Variants in LAD1 observed in about 807,000 individuals in gnomAD.
LAD1 encodes ladinin-1.
Under a neutral mutation model 54.2 loss-of-function variants are expected in LAD1, and 53 were observed. The observed-to-expected ratio is 0.98, with a 90% CI of 0.78 to 1.23. LAD1 has a LOEUF of 1.23. LAD1 is among the 50% of genes most tolerant of loss of function. The pLI is 0.00. For synonymous variants in LAD1, 231 were observed against 257.7 expected, an observed-to-expected ratio of 0.90 and a Z score of 0.99; for missense variants, 637 against 653.3, an observed-to-expected ratio of 0.98 and a Z score of 0.27.
At chr1:201,382,903 G>A in intron 7 of LAD1, 164 bp from the exon 8 acceptor site, 1 of 1,001,100 alleles carries the variant, frequency 1.0e-6, no homozygotes, top group South Asian at 1.5e-5. Flanking sequence ...GGAGCTGTGT[G>A]CCCAGCTAAG....
rs957240968 is a variant in LAD1, at chr1:201,381,567, A to G, written c.*321T>C. The G allele has an allele frequency of 9.1e-6, 4 of 441,456 alleles. No individual in the cohort carries two copies. The highest frequency in any genetic ancestry group is 4.1e-5 in the African/African-American group (2 of 49,064). The allele number at this position is 441,456 out of a possible 1,614,324, so 27.3% of individuals were successfully genotyped here. A position where few individuals can be genotyped will look rare whatever the true frequency, so the allele number is the denominator to read the frequency against. Reference sequence around the variant, plus strand: ...TGCCCTGACTGTGGATGTGAGCAGGAAGGAGCAGAGGTCTCTGGGCAGGAC... The same window carrying G: ...TGCCCTGACTGTGGATGTGAGCAGGGAGGAGCAGAGGTCTCTGGGCAGGAC... On this transcript the variant is annotated 3_prime_UTR_variant, in exon 10 of 10. Coordinates refer to ENST00000391967, the MANE Select transcript of LAD1 (RefSeq NM_005558.4).
Position 201,386,739 on chromosome 1 carries a change from C to A in LAD1, c.622G>T (p.Ala208Ser), listed in dbSNP as rs765430177. The A allele has an allele frequency of 6.2e-7, 1 of 1,614,174 alleles. No homozygotes were observed. The highest frequency in any genetic ancestry group is 8.5e-7 in the Non-Finnish European group (1 of 1,179,980). The change falls in exon 3 of 10, where the codon GCC becomes TCC. Residue 208 changes from alanine (A) to serine (S), a missense_variant. Coordinates refer to ENST00000391967, the MANE Select transcript of LAD1 (RefSeq NM_005558.4). ...DKTSISEKVL[A>S]SEKTSLSEKI... ...TCTGATAGAGATGTCTTCTCTGAGG[C>A]CAGCACCTTCTCAGAGATGGAGGTT...
In LAD1 at chr1:201,383,099, C is replaced by G. The variant is rs760393592; in HGVS notation, c.1361G>C (p.Arg454Pro). 1.2e-6 allele frequency: 2 copies of G among 1,613,848 alleles called. No individual in the cohort carries two copies. Among genetic ancestry groups the G allele is most frequent in the East Asian group, 4.5e-5 (2 of 44,866 alleles). The change falls in exon 7 of 10, where the codon CGA becomes CCA. Residue 454 changes from arginine to proline, a missense_variant. Coordinates refer to ENST00000391967, the MANE Select transcript of LAD1 (RefSeq NM_005558.4). ...CTTCCGGCTGGAGGCTGGTTCTGCT[C>G]GGCTCTGGCCCGCCAGTTCCTTCTC... is the stretch of plus-strand genomic sequence containing the variant. ...LFEKELAGQS[R>P]AEPASSRKEN... is the part of the protein sequence containing the mutation.
intron 7 of LAD1, 81 bp downstream of exon 7, chr1:201,382,993 G>C: frequency 6.7e-7 from 1 of 1,486,380 alleles, no homozygotes; most frequent in South Asian, 1.3e-5. Flanking sequence ...CAGTTTTCTA[G>C]CATTGCCACA....
In LAD1 at chr1:201,399,203, CGAGGA is replaced by C; in HGVS notation, c.38+61_38+65del. On this transcript the variant is annotated intron_variant, in intron 1 of 9. Coordinates refer to ENST00000391967, the MANE Select transcript of LAD1 (RefSeq NM_005558.4). ...CCAGGCGGGGAGGAGGCCGGTGCCC[CGAGGA>C]GAGGAGACCCAAAGGCTCCCCGCCG... is the stretch of plus-strand genomic sequence containing the variant. The C allele has an allele frequency of 6.8e-6, 9 of 1,323,414 alleles. 1 individual carries two copies. Among genetic ancestry groups the C allele is most frequent in the South Asian group, 6.3e-5 (5 of 79,976 alleles). The allele number at this position is 1,323,414 out of a possible 1,614,324, so 82.0% of individuals were successfully genotyped here. A position where few individuals can be genotyped will look rare whatever the true frequency, so the allele number is the denominator to read the frequency against.
intron 1 of LAD1, among the ~76,000 whole-genome samples, chr1:201,390,430 G>T (rs918370128): frequency 6.6e-6 from 1 of 151,736 alleles, no homozygotes; most frequent in African/African-American, 2.4e-5. Context: ...CCAGCTACTC[G>T]GGAGGCTGAG....
rs563200683 is a variant in LAD1 at position 201,381,491 on chromosome 1, C to T, written c.*397G>A. On this transcript the variant is annotated 3_prime_UTR_variant, in exon 10 of 10. Coordinates refer to ENST00000391967, the MANE Select transcript of LAD1 (RefSeq NM_005558.4). Reference sequence around the variant, plus strand: ...GGGGGACATCATAGACAAAGAGGCACTTGCTGGGAGCCGATGAGACAGGTG... The same window carrying T: ...GGGGGACATCATAGACAAAGAGGCATTTGCTGGGAGCCGATGAGACAGGTG... The T allele has an allele frequency of 1.1e-4, 31 of 294,754 alleles. No homozygotes were observed. Among genetic ancestry groups the T allele is most frequent in the African/African-American group, 6.8e-4 (30 of 44,216 alleles). 18.3% of individuals were successfully genotyped at this position (294,754 alleles called of 1,614,324 possible). A position where few individuals can be genotyped will look rare whatever the true frequency, so the allele number is the denominator to read the frequency against.
intron 2 of LAD1, among the ~76,000 whole-genome samples, chr1:201,388,207 A>G (rs879832368): frequency 1.3e-5 from 2 of 152,226 alleles, no homozygotes; most frequent in Admixed American, 6.5e-5. Context: ...CCTGCCCAAC[A>G]TGGTGAAACC....
intron 5 of LAD1, chr1:201,383,699 C>T (rs1289780160): frequency 7.4e-6 from 3 of 405,004 alleles, no homozygotes; most frequent in East Asian, 1.2e-4. Context: ...ACAGCAATCG[C>T]CACTTACCTG....
rs933264782 is a variant in LAD1, at chr1:201,381,515, T to C, written c.*373A>G. On this transcript the variant is annotated 3_prime_UTR_variant, in exon 10 of 10. Coordinates refer to ENST00000391967, the MANE Select transcript of LAD1 (RefSeq NM_005558.4). ...ACTTGCTGGGAGCCGATGAGACAGG[T>C]GACTCTGGAGTTCTTGAGGGGCGCC... 9.3e-6 allele frequency: 3 copies of C among 321,092 alleles called. No individual in the cohort carries two copies. Among genetic ancestry groups the C allele is most frequent in the African/African-American group, 2.2e-5 (1 of 44,848 alleles). The allele number at this position is 321,092 out of a possible 1,614,324, so 19.9% of individuals were successfully genotyped here. A position where few individuals can be genotyped will look rare whatever the true frequency, so the allele number is the denominator to read the frequency against.
intron 4 of LAD1, 53 bp from the exon 5 acceptor site, chr1:201,384,888 GC>G (rs1252308625): frequency 3.2e-6 from 5 of 1,580,300 alleles, no homozygotes; most frequent in Non-Finnish European, 3.5e-6. Flanking sequence ...GAAATCGGTG[GC>G]CCCCTCGAGT....
At chr1:201,387,285 A>T in intron 2 of LAD1, 107 bp from the exon 3 acceptor site, 1 of 1,279,596 alleles carries the variant, frequency 7.8e-7, no homozygotes, top group Non-Finnish European at 1.0e-6. Context: ...GGAGGTGAGG[A>T]TGTCAGGCCC....
intron 5 of LAD1, 118 bp from the exon 6 acceptor site, chr1:201,383,507 G>A: frequency 1.0e-6 from 1 of 952,788 alleles, no homozygotes; most frequent in Non-Finnish European, 1.7e-6. Context: ...AGAGAATGTG[G>A]CCCTCCATCA....
Position 201,386,762 on chromosome 1 carries a change from G to T in LAD1, c.599C>A (p.Thr200Asn). 3 of 1,614,210 alleles carry T rather than the reference G, an allele frequency of 1.9e-6. No individual in the cohort carries two copies. Among genetic ancestry groups the T allele is most frequent in the Non-Finnish European group, 2.5e-6 (3 of 1,180,038 alleles). Residue 200 changes from threonine to asparagine, a missense_variant, in exon 3 of 10, where the codon ACC becomes AAC. Coordinates refer to ENST00000391967, the MANE Select transcript of LAD1 (RefSeq NM_005558.4). Reference protein sequence around the residue: ...APEKSLVSDKTSISEKVLASE... With the variant: ...APEKSLVSDKNSISEKVLASE... ...GGCCAGCACCTTCTCAGAGATGGAG[G>T]TTTTATCGGAGACCAGGCTCTTTTC...
At chr1:201,395,836 C>A (rs545503747) in intron 1 of LAD1, among the ~76,000 whole-genome samples, 2 of 152,238 alleles carry the variant, frequency 1.3e-5, no homozygotes, top group African/African-American at 4.8e-5. Context: ...AACAAGAAAC[C>A]AAGATTTAAA....
In LAD1 at chr1:201,383,388, C is replaced by T; in HGVS notation, c.1177G>A (p.Ala393Thr). ...ENSETTLTRS[A>T]SMKLPDNTVK... ...GTGTTGTCTGGGAGCTTCATGCTGG[C>T]ACTGCAGGATGGAAGATGGAACAGG... Residue 393 changes from alanine (A) to threonine (T), a missense_variant and splice_region_variant, in exon 6 of 10, where the codon GCC (alanine) becomes ACC (threonine). Coordinates refer to ENST00000391967, the MANE Select transcript of LAD1 (RefSeq NM_005558.4). The T allele has an allele frequency of 6.2e-7, 1 of 1,614,038 alleles. No individual in the cohort carries two copies.
At position 201,381,680 on chromosome 1, in the gene LAD1, A is replaced by G. The variant is rs551314155; in HGVS notation, c.*208T>C. On this transcript the variant is annotated 3_prime_UTR_variant, in exon 10 of 10. Transcript: ENST00000391967. ...TCTGTTGTGCCTGCCGCAGGGTGAG[A>G]AAGTCCCAGCCCCAAGAGGCTGGGC... 3.1e-6 allele frequency: 2 copies of G among 649,102 alleles called. No homozygotes were observed. Among genetic ancestry groups the G allele is most frequent in the Non-Finnish European group, 5.6e-6 (2 of 355,766 alleles). 40.2% of individuals were successfully genotyped at this position (649,102 alleles called of 1,614,324 possible). A position where few individuals can be genotyped will look rare whatever the true frequency, so the allele number is the denominator to read the frequency against.
In LAD1 at chr1:201,386,447, G is replaced by C; in HGVS notation, c.914C>G (p.Thr305Ser). 6.5e-7 allele frequency: 1 copy of C among 1,543,454 alleles called. No homozygotes were observed. The highest frequency in any genetic ancestry group is 8.7e-7 in the Non-Finnish European group (1 of 1,151,336). Residue 305 changes from threonine to serine, a missense_variant, in exon 3 of 10, where the codon ACC becomes AGC. Coordinates refer to ENST00000391967, the MANE Select transcript of LAD1 (RefSeq NM_005558.4). The stretch of plus-strand genomic sequence containing the variant: ...GAGGGCCCTTCCTCTCTGCTCCTTG[G>C]TGGTGGCTGGGCTTCCCCCAGAGGC... ...PPASGGSPAT[T>S]KEQRGRALPG... is the part of the protein sequence containing the mutation.
At chr1:201,384,230 A>G (rs1662027951) in intron 5 of LAD1, among the ~76,000 whole-genome samples, 1 of 151,692 alleles carries the variant, frequency 6.6e-6, no homozygotes, top group Admixed American at 6.6e-5. Context: ...GGCCTAGCCT[A>G]GTGTAGTAGG....
Sources: gnomAD v4.1 joint callset for allele counts (sites outside exome capture counted in the v4.1 genomes callset) on GRCh38, gnomAD v4.1.1 for gene constraint, MANE v1.5 for transcripts, NCBI Gene and HGNC (gene_info 2026-07-23, HGNC 2026-07-21) for gene names.